ACSS3: variants seen among roughly 807,000 people sequenced by gnomAD.
ACSS3 encodes the protein acyl-CoA synthetase short-chain family member 3, mitochondrial.
Under a neutral mutation model 84.2 loss-of-function variants are expected in ACSS3, and 64 were observed. The ratio of observed to expected loss-of-function variants is 0.76; its 90% CI spans 0.62 to 0.94. The LOEUF (loss-of-function observed/expected upper bound fraction) is 0.94, where lower values mean the gene tolerates loss of function less well. Among genes scored for constraint, ACSS3 ranks in the 40% least tolerant of loss-of-function variants. The pLI is 0.00. For missense variants in ACSS3, 815 were observed against 867.6 expected (o/e 0.94, Z 0.76); for synonymous variants, 317 against 310.1 (o/e 1.02, Z -0.23).
chr12:81,213,577 CTCT>C (rs2032682775), intron 9 of ACSS3, among the ~76,000 whole-genome samples: 1 of 35,868 alleles, frequency 2.8e-5, no homozygotes. Flanking sequence ...CTCTCCTCTC[CTCT>C]CCTCCCCTCC....
intron 10 of ACSS3, among the ~76,000 whole-genome samples, chr12:81,218,085 A>T (rs1351640902): frequency 6.6e-6 from 1 of 152,156 alleles, no homozygotes; most frequent in Non-Finnish European, 1.5e-5. Flanking sequence ...AATAAGAGTA[A>T]CATTTTTATA....
intron 9 of ACSS3, among the ~76,000 whole-genome samples, chr12:81,203,335 A>G (rs1488149401): frequency 1.3e-5 from 2 of 152,144 alleles, no homozygotes; most frequent in African/African-American, 2.4e-5. Flanking sequence ...AGACTCACAT[A>G]TTAGTCTCTT....
intron 11 of ACSS3, among the ~76,000 whole-genome samples, chr12:81,226,836 C>T (rs1003724021): frequency 6.6e-6 from 1 of 151,846 alleles, no homozygotes; most frequent in South Asian, 2.1e-4. Context: ...ATCACACCAG[C>T]TTTAGCACTC....
At chr12:81,083,581 C>G (rs551862518) in intron 1 of ACSS3, among the ~76,000 whole-genome samples, 1 of 151,424 alleles carries the variant, frequency 6.6e-6, no homozygotes, top group East Asian at 2.0e-4. Context: ...AGGCTAGTCT[C>G]GAACTCCTGA....
At chr12:81,232,064 C>A (rs947424165) in intron 12 of ACSS3, among the ~76,000 whole-genome samples, 14 of 151,802 alleles carry the variant, frequency 9.2e-5, no homozygotes, top group African/African-American at 3.1e-4. Flanking sequence ...AAAGAAATTG[C>A]AGCATTGAAT....
intron 8 of ACSS3, among the ~76,000 whole-genome samples, chr12:81,196,281 G>T (rs529005631): frequency 6.6e-6 from 1 of 152,184 alleles, no homozygotes; most frequent in Non-Finnish European, 1.5e-5. Context: ...GCCTCATGTG[G>T]TTATTGAACT....
In ACSS3 at chr12:81,226,256, G is replaced by A. The variant is rs575941085; in HGVS notation, c.1515-4801G>A. 2.0e-5 allele frequency among the ~76,000 whole-genome samples: 3 copies of A among 151,804 alleles called. No individual in the cohort carries two copies. In the South Asian group the frequency reaches 6.2e-4, roughly 32 times the overall value. On this transcript the variant is annotated intron_variant, in intron 11 of 15. Coordinates refer to ENST00000548058, the MANE Select transcript of ACSS3 (RefSeq NM_024560.4). ...AGGTCATTATTAAAACTGTATTCTA[G>A]TGGCTTCTTAGATACTACTTTCCCC... is the stretch of plus-strand genomic sequence containing the variant.
intron 9 of ACSS3, among the ~76,000 whole-genome samples, chr12:81,203,533 T>G (rs1442711754): frequency 6.6e-6 from 1 of 152,202 alleles, no homozygotes; most frequent in Non-Finnish European, 1.5e-5. Context: ...AAAGACATTC[T>G]TTTATATCTG....
intron 8 of ACSS3, among the ~76,000 whole-genome samples, chr12:81,183,443 G>A (rs577776934): frequency 6.6e-6 from 1 of 152,188 alleles, no homozygotes; most frequent in South Asian, 2.1e-4. Flanking sequence ...TAAATAAAAT[G>A]GCAGTAGTAA....
chr12:81,153,837 GTGTTCTT>G (rs1565694321), intron 7 of ACSS3, among the ~76,000 whole-genome samples: 1 of 152,170 alleles, frequency 6.6e-6, no homozygotes, highest in South Asian at 2.1e-4. Context: ...AAGGCTATTT[GTGTTCTT>G]TCATTTTTAG....
intron 13 of ACSS3, among the ~76,000 whole-genome samples, chr12:81,242,736 A>C: frequency 7.3e-6 from 1 of 136,362 alleles, no homozygotes. Flanking sequence ...TCCAGCATAT[A>C]AACAGAACCA....
intron 5 of ACSS3, among the ~76,000 whole-genome samples, chr12:81,148,832 C>T (rs1214921593): frequency 4.3e-5 from 6 of 140,630 alleles, no homozygotes; most frequent in Admixed American, 1.6e-4. Flanking sequence ...AAGGCCGAGG[C>T]GGGCAGATCA....
At chr12:81,099,973 C>T (rs889629736) in intron 1 of ACSS3, among the ~76,000 whole-genome samples, 4 of 152,114 alleles carry the variant, frequency 2.6e-5, no homozygotes, top group African/African-American at 9.7e-5. Context: ...TGACTTAGCT[C>T]AATGTGTGAA....
intron 12 of ACSS3, among the ~76,000 whole-genome samples, chr12:81,231,723 C>T (rs1461872914): frequency 1.3e-5 from 2 of 151,724 alleles, no homozygotes; most frequent in Admixed American, 1.3e-4. Flanking sequence ...ACAAAAAGTG[C>T]CTTCCTGTTT....
At chr12:81,145,347 G>T (rs766315794) in intron 5 of ACSS3, among the ~76,000 whole-genome samples, 25 of 152,032 alleles carry the variant, frequency 1.6e-4, no homozygotes, top group Non-Finnish European at 3.2e-4. Context: ...AAATTTGAGA[G>T]GGCTTGAATT....
rs547353220 is a variant in ACSS3, at chr12:81,240,631, T to A, written c.1719+7160T>A. 1.1e-4 allele frequency among the ~76,000 whole-genome samples: 16 copies of A among 152,076 alleles called. No homozygotes were observed. In the South Asian group the frequency reaches 3.1e-3, roughly 30 times the overall value. On this transcript the variant is annotated intron_variant, in intron 13 of 15. Coordinates refer to ENST00000548058, the MANE Select transcript of ACSS3 (RefSeq NM_024560.4). ...TACTCTTTGTTTCTATTTCTGTCTT[T>A]CTTTCTCTGCATTTTGTGGTTATAA...
chr12:81,165,840 G>T (rs1341321771), intron 7 of ACSS3, among the ~76,000 whole-genome samples: 1 of 152,094 alleles, frequency 6.6e-6, no homozygotes, highest in African/African-American at 2.4e-5. Context: ...AGGGATGTTT[G>T]CAACTAGTAG....
chr12:81,247,003 C>T (rs1430808948), intron 13 of ACSS3, among the ~76,000 whole-genome samples: 1 of 152,098 alleles, frequency 6.6e-6, no homozygotes, highest in Non-Finnish European at 1.5e-5. Flanking sequence ...CTTAATACTT[C>T]TTGTCATGTT....
At chr12:81,234,531 C>G (rs547010379) in intron 13 of ACSS3, among the ~76,000 whole-genome samples, 8 of 151,476 alleles carry the variant, frequency 5.3e-5, no homozygotes, top group African/African-American at 1.7e-4. Context: ...TTTAAGGGTT[C>G]ATACTTCTTC....
Sources: gnomAD v4.1 joint callset for allele counts (sites outside exome capture counted in the v4.1 genomes callset) on GRCh38, gnomAD v4.1.1 for gene constraint, MANE v1.5 for transcripts, NCBI Gene and HGNC (gene_info 2026-07-23, HGNC 2026-07-21) for gene names.